TEX9: variants seen among roughly 807,000 people sequenced by gnomAD.
The protein encoded by TEX9 is testis expressed 9, also known as testis-expressed protein 9.
TEX9 carries 74 observed loss-of-function variants against 59.6 expected under a neutral mutation model. The ratio of observed to expected loss-of-function variants is 1.24; its 90% CI spans 1.03 to 1.51. TEX9 has a LOEUF of 1.51. TEX9 is among the 40% of genes most tolerant of loss of function. The probability of loss-of-function intolerance (pLI) is 0.00; values close to 1 mark genes in which losing one functional copy is unlikely to be tolerated. For synonymous variants in TEX9, 186 were observed against 152.2 expected (o/e 1.22, Z -1.64); for missense variants, 522 against 447.8 (o/e 1.17, Z -1.49).
intron 9 of TEX9, 105 bp from the exon 10 acceptor site, chr15:56,412,195 AAG>A: frequency 9.9e-7 from 1 of 1,005,172 alleles, no homozygotes; most frequent in South Asian, 1.8e-5. Context: ...TGTGTGTGTA[AAG>A]TTTGAGAGAA....
chr15:56,317,082 C>T lies in TEX9; in HGVS notation c.-106-56359C>T, dbSNP rs373722549. Among the ~76,000 whole-genome samples, 1,484 of 152,226 alleles carry T rather than the reference C, an allele frequency of 9.7e-3. 21 individuals carry two copies. The highest frequency in any genetic ancestry group is 0.034 in the African/African-American group (1,403 of 41,556). Reference sequence around the variant, plus strand: ...CCCTAGTGAGATGAACCCGGTACCTCAGATGGAAATGCGGAAATCACCCGT... The same window carrying T: ...CCCTAGTGAGATGAACCCGGTACCTTAGATGGAAATGCGGAAATCACCCGT... On this transcript the variant is annotated intron_variant, in intron 1 of 5. Coordinates refer to the TEX9 transcript ENST00000560827.
chr15:56,353,522 C>CT (rs1182854734), intron 1 of TEX9, among the ~76,000 whole-genome samples: 1 of 152,084 alleles, frequency 6.6e-6, no homozygotes, highest in Non-Finnish European at 1.5e-5. Context: ...ATAATAGCTT[C>CT]TTTTAAGGTT....
upstream of TEX9, chr15:56,365,317 G>A (rs1277699002): frequency 1.6e-6 from 2 of 1,255,190 alleles, no homozygotes; most frequent in East Asian, 2.6e-5. Flanking sequence ...CCCGCTGCCA[G>A]AGGCTCGCGC....
At chr15:56,257,507 C>A (rs2044170481) in intron 1 of TEX9, among the ~76,000 whole-genome samples, 1 of 152,098 alleles carries the variant, frequency 6.6e-6, no homozygotes, top group Non-Finnish European at 1.5e-5. Context: ...GAGATGGTAT[C>A]TCATTGTGGT....
chr15:56,276,433 G>A (rs940335738), intron 1 of TEX9, among the ~76,000 whole-genome samples: 2 of 152,132 alleles, frequency 1.3e-5, no homozygotes, highest in African/African-American at 4.8e-5. Flanking sequence ...GCAGTGTTTG[G>A]TTTTCTGTTC....
At chr15:56,382,057 G>T (rs2055643923) in intron 3 of TEX9, among the ~76,000 whole-genome samples, 1 of 152,146 alleles carries the variant, frequency 6.6e-6, no homozygotes, top group African/African-American at 2.4e-5. Flanking sequence ...GGCTAAGCTG[G>T]TACTCGGACT....
chr15:56,319,631 A>G (rs1373266114), intron 1 of TEX9, among the ~76,000 whole-genome samples: 1 of 152,176 alleles, frequency 6.6e-6, no homozygotes, highest in African/African-American at 2.4e-5. Context: ...CTTTCTCAAA[A>G]TCCAACTTGT....
chr15:56,360,367 T>C (rs1194473597), intron 1 of TEX9, among the ~76,000 whole-genome samples: 2 of 152,314 alleles, frequency 1.3e-5, no homozygotes, highest in East Asian at 3.9e-4. Context: ...GTGATTTCTT[T>C]CTTGGAAGGT....
At chr15:56,400,758 G>A (rs1875004654) in intron 9 of TEX9, among the ~76,000 whole-genome samples, 1 of 152,182 alleles carries the variant, frequency 6.6e-6, no homozygotes, top group Admixed American at 6.5e-5. Context: ...ACCCACAAAG[G>A]GAAGCCCATC....
intron 9 of TEX9, among the ~76,000 whole-genome samples, chr15:56,406,832 G>C (rs1253927604): frequency 6.6e-6 from 1 of 152,042 alleles, no homozygotes; most frequent in Non-Finnish European, 1.5e-5. Context: ...TCCTTTATTA[G>C]AAGAATATAT....
intron 1 of TEX9, among the ~76,000 whole-genome samples, chr15:56,360,246 T>G (rs1337777446): frequency 6.6e-6 from 1 of 152,216 alleles, no homozygotes; most frequent in Non-Finnish European, 1.5e-5. Context: ...AGTCATGGAA[T>G]GAGTTGGGAA....
chr15:56,255,762 G>A (rs1381175047), intron 1 of TEX9, among the ~76,000 whole-genome samples: 1 of 151,902 alleles, frequency 6.6e-6, no homozygotes, highest in Non-Finnish European at 1.5e-5. Context: ...ATATAAGTAG[G>A]AATGAAAAAT....
At chr15:56,353,201 A>G (rs1271724717) in intron 1 of TEX9, among the ~76,000 whole-genome samples, 4 of 152,162 alleles carry the variant, frequency 2.6e-5, no homozygotes, top group Non-Finnish European at 5.9e-5. Flanking sequence ...TAAAAATATA[A>G]GCTTGTTTTA....
intron 1 of TEX9, among the ~76,000 whole-genome samples, chr15:56,291,330 G>A (rs896114509): frequency 3.3e-4 from 50 of 152,168 alleles, no homozygotes; most frequent in Non-Finnish European, 6.2e-4. Flanking sequence ...ACTTTGGATG[G>A]TTGAGAGGAT....
chr15:56,314,665 T>C (rs1184851643), intron 1 of TEX9, among the ~76,000 whole-genome samples: 5 of 152,194 alleles, frequency 3.3e-5, no homozygotes, highest in African/African-American at 1.2e-4. Context: ...ATCTATTAGG[T>C]CTTCTTGGTG....
chr15:56,283,966 G>A (rs1051084952), intron 1 of TEX9, among the ~76,000 whole-genome samples: 2 of 152,078 alleles, frequency 1.3e-5, no homozygotes, highest in Non-Finnish European at 2.9e-5. Flanking sequence ...GCAAATTAAG[G>A]CAACTTCTAT....
At chr15:56,421,737 A>T (rs1489051296) in intron 10 of TEX9, 1 of 151,462 alleles carries the variant, frequency 6.6e-6, no homozygotes, top group Non-Finnish European at 1.5e-5. Context: ...TGTTCTTGCG[A>T]TAGTTTGCTG....
At chr15:56,404,942 T>A (rs1225070290) in intron 9 of TEX9, among the ~76,000 whole-genome samples, 1 of 152,030 alleles carries the variant, frequency 6.6e-6, no homozygotes, top group Non-Finnish European at 1.5e-5. Flanking sequence ...TGAGACCACT[T>A]GGACACAGGG....
chr15:56,352,533 G>T (rs1047569517), intron 1 of TEX9, among the ~76,000 whole-genome samples: 1 of 152,078 alleles, frequency 6.6e-6, no homozygotes, highest in Non-Finnish European at 1.5e-5. Context: ...GATTACAGGA[G>T]TGAGCCATCA....
Sources: allele counts gnomAD v4.1 joint callset (sites outside exome capture counted in the v4.1 genomes callset), GRCh38; gene constraint gnomAD v4.1.1; transcripts MANE v1.5; gene names NCBI Gene and HGNC (gene_info 2026-07-23, HGNC 2026-07-21).